Variants in ROBO2 observed in about 807,000 individuals in gnomAD.
ROBO2 encodes roundabout guidance receptor 2.
In ROBO2, 53 loss-of-function variants were observed where a neutral mutation model predicts 160.8. The observed-to-expected ratio is 0.33, with a 90% CI of 0.26 to 0.41. The LOEUF (loss-of-function observed/expected upper bound fraction) is 0.41. Ranked by LOEUF, ROBO2 falls within the 10% of genes least tolerant of loss-of-function variation. The probability of loss-of-function intolerance (pLI) is 1.00; values close to 1 mark genes in which losing one functional copy is unlikely to be tolerated. For synonymous variants in ROBO2, 664 were observed against 611.7 expected, an observed-to-expected ratio of 1.09 and a Z score of -1.26; for missense variants, 1,577 against 1,722.4, an observed-to-expected ratio of 0.92 and a Z score of 1.49.
At chr3:76,397,354 C>T (rs571008388) in intron 2 of ROBO2, among the ~76,000 whole-genome samples, 2 of 152,210 alleles carry the variant, frequency 1.3e-5, no homozygotes, top group South Asian at 4.2e-4. Context: ...AACGTTACAC[C>T]TAAAACCATA....
At chr3:76,322,403 A>G (rs1192337476) in intron 2 of ROBO2, among the ~76,000 whole-genome samples, 1 of 151,878 alleles carries the variant, frequency 6.6e-6, no homozygotes, top group East Asian at 1.9e-4. Context: ...AGAGATATAA[A>G]TGTGTAACTT....
intron 2 of ROBO2, among the ~76,000 whole-genome samples, chr3:76,311,624 G>A (rs1356717747): frequency 6.6e-6 from 1 of 152,140 alleles, no homozygotes; most frequent in Non-Finnish European, 1.5e-5. Flanking sequence ...TGGTTTTCTG[G>A]GCTTTCAAAG....
rs1578761648 is a variant in ROBO2 at position 76,637,001 on chromosome 3, G to C, written c.110-461013G>C. Among the ~76,000 whole-genome samples the C allele has an allele frequency of 2.0e-5, 3 of 152,130 alleles. No homozygotes were observed. In the East Asian group the frequency reaches 5.8e-4, roughly 29 times the overall value. ...GAATTCAAGGAGAGTGAGCCCTGATGATTTCCAGGGGAGTTTTGGGACTGA... is the reference window on the plus strand; with the variant it reads ...GAATTCAAGGAGAGTGAGCCCTGATCATTTCCAGGGGAGTTTTGGGACTGA... On this transcript the variant is annotated intron_variant, in intron 2 of 26. Transcript: ENST00000487694.
chr3:76,662,419 C>A (rs993202691), intron 2 of ROBO2, among the ~76,000 whole-genome samples: 3 of 151,744 alleles, frequency 2.0e-5, no homozygotes, highest in Non-Finnish European at 4.4e-5. Flanking sequence ...TTTTTTCTTC[C>A]CTTATTTTCC....
chr3:76,072,726 A>G (rs1210641526), intron 2 of ROBO2, among the ~76,000 whole-genome samples: 1 of 152,204 alleles, frequency 6.6e-6, no homozygotes. Flanking sequence ...TCACAGATCA[A>G]GAGCTGAGGG....
chr3:76,474,882 C>T (rs2078849960), intron 2 of ROBO2, among the ~76,000 whole-genome samples: 1 of 152,078 alleles, frequency 6.6e-6, no homozygotes, highest in South Asian at 2.1e-4. Flanking sequence ...CTCCATGCTG[C>T]TCTCGTCTTC....
chr3:76,670,239 A>G (rs2092213149), intron 2 of ROBO2, among the ~76,000 whole-genome samples: 1 of 151,598 alleles, frequency 6.6e-6, no homozygotes, highest in African/African-American at 2.4e-5. Context: ...AGTTCTGTGT[A>G]TTTTAGCTTT....
intron 2 of ROBO2, among the ~76,000 whole-genome samples, chr3:76,401,379 A>T (rs899230617): frequency 1.3e-5 from 2 of 151,554 alleles, no homozygotes; most frequent in Admixed American, 6.6e-5. Flanking sequence ...CTTGTGTTTA[A>T]ATCATTTTCC....
intron 2 of ROBO2, among the ~76,000 whole-genome samples, chr3:77,341,797 G>C (rs1423590508): frequency 6.6e-6 from 1 of 151,848 alleles, no homozygotes; most frequent in East Asian, 1.9e-4. Context: ...TTTTTCAGAG[G>C]CCATGTGGAA....
intron 2 of ROBO2, among the ~76,000 whole-genome samples, chr3:76,669,190 C>T (rs1450432761): frequency 6.6e-6 from 1 of 151,994 alleles, no homozygotes; most frequent in African/African-American, 2.4e-5. Flanking sequence ...CCACTCAGTC[C>T]GATCAAAACT....
intron 2 of ROBO2, among the ~76,000 whole-genome samples, chr3:77,174,714 C>T (rs912115863): frequency 5.3e-5 from 8 of 151,952 alleles, no homozygotes; most frequent in Admixed American, 2.6e-4. Context: ...TTACTCCAGT[C>T]GAAACCTGTC....
chr3:76,454,290 A>G (rs1009802414), intron 2 of ROBO2, among the ~76,000 whole-genome samples: 3 of 152,212 alleles, frequency 2.0e-5, no homozygotes, highest in Admixed American at 6.5e-5. Flanking sequence ...TAGTTTTGCA[A>G]AAGTTATTGG....
chr3:76,975,861 G>A (rs1347480731), intron 2 of ROBO2, among the ~76,000 whole-genome samples: 2 of 151,890 alleles, frequency 1.3e-5, no homozygotes. Context: ...TTACAGACAT[G>A]CTGTAAATTA....
chr3:76,129,464 C>A (rs1228610462), intron 2 of ROBO2, among the ~76,000 whole-genome samples: 1 of 152,002 alleles, frequency 6.6e-6, no homozygotes, highest in African/African-American at 2.4e-5. Context: ...CTCCAATAAC[C>A]CTAGTTAATA....
At chr3:76,515,164 T>G (rs1443280515) in intron 2 of ROBO2, among the ~76,000 whole-genome samples, 1 of 152,164 alleles carries the variant, frequency 6.6e-6, no homozygotes, top group Non-Finnish European at 1.5e-5. Flanking sequence ...TTTAAATAAG[T>G]GATTTCCTTA....
At chr3:77,611,361 T>C (rs1175129560) in intron 21 of ROBO2, among the ~76,000 whole-genome samples, 2 of 151,576 alleles carry the variant, frequency 1.3e-5, no homozygotes, top group Non-Finnish European at 2.9e-5. Flanking sequence ...TTGAAGCCAA[T>C]TGTGAAGCCT....
intron 2 of ROBO2, among the ~76,000 whole-genome samples, chr3:76,824,494 G>C (rs1333884294): frequency 6.6e-6 from 1 of 152,076 alleles, no homozygotes; most frequent in Non-Finnish European, 1.5e-5. Context: ...TATTTCATGT[G>C]CTTTCATACT....
chr3:77,139,474 C>T (rs776290958), intron 2 of ROBO2, among the ~76,000 whole-genome samples: 7 of 152,138 alleles, frequency 4.6e-5, no homozygotes, highest in Non-Finnish European at 1.0e-4. Flanking sequence ...CTTGCAGCCA[C>T]ATCTACCAAT....
At chr3:76,189,861 G>C (rs1701927971) in intron 2 of ROBO2, among the ~76,000 whole-genome samples, 1 of 152,006 alleles carries the variant, frequency 6.6e-6, no homozygotes, top group African/African-American at 2.4e-5. Flanking sequence ...ATGCAGATGA[G>C]AAACTGAGGT....
Sources: gnomAD v4.1 joint callset for allele counts (sites outside exome capture counted in the v4.1 genomes callset) on GRCh38, gnomAD v4.1.1 for gene constraint, MANE v1.5 for transcripts, NCBI Gene and HGNC (gene_info 2026-07-23, HGNC 2026-07-21) for gene names.